The following SOX5 variants were observed in gnomAD, a reference collection of about 807,000 sequenced individuals.
SOX5 encodes transcription factor SOX-5.
SOX5 carries 9 observed loss-of-function variants against 92.0 expected under a neutral mutation model. The observed-to-expected ratio is 0.10, with a 90% CI of 0.06 to 0.17. SOX5 has a LOEUF of 0.17. Among genes scored for constraint, SOX5 ranks in the 10% least tolerant of loss-of-function variants. The pLI is 1.00. For synonymous variants in SOX5, 344 were observed against 336.3 expected, an observed-to-expected ratio of 1.02 and a Z score of -0.25; for missense variants, 642 against 944.5, an observed-to-expected ratio of 0.68 and a Z score of 4.20.
At chr12:24,174,304 C>A (rs1954556603) in intron 4 of SOX5, among the ~76,000 whole-genome samples, 3 of 152,140 alleles carry the variant, frequency 2.0e-5, no homozygotes, top group Non-Finnish European at 4.4e-5. Flanking sequence ...CGGCAGAAAT[C>A]TGAGTTTTGA....
At chr12:24,466,618 C>T (rs939392043) in intron 1 of SOX5, among the ~76,000 whole-genome samples, 2 of 152,250 alleles carry the variant, frequency 1.3e-5, no homozygotes, top group South Asian at 2.1e-4. Context: ...CCCAATATGG[C>T]CAGATGTTTC....
rs536288762 is a variant in SOX5, at chr12:23,902,278, C to A, written c.39-6254G>T. On this transcript the variant is annotated intron_variant, in intron 1 of 14. Coordinates refer to ENST00000451604, the MANE Select transcript of SOX5 (RefSeq NM_006940.6). The stretch of plus-strand genomic sequence containing the variant: ...AAAGACTCAGAATAGGGATTGCTTT[C>A]CTTATATAGTACATTCTTTTTTAAG... 2.2e-4 allele frequency among the ~76,000 whole-genome samples: 33 copies of A among 152,170 alleles called. No individual in the cohort carries two copies. In the South Asian group the frequency reaches 6.4e-3, roughly 30 times the overall value.
intron 9 of SOX5, among the ~76,000 whole-genome samples, chr12:23,603,634 G>T (rs1292795513): frequency 6.6e-6 from 1 of 151,456 alleles, no homozygotes; most frequent in East Asian, 1.9e-4. Flanking sequence ...ATTTAAGCAA[G>T]ATCTTAATAC....
chr12:24,200,213 C>T (rs183069713), intron 4 of SOX5, among the ~76,000 whole-genome samples: 1 of 152,180 alleles, frequency 6.6e-6, no homozygotes, highest in African/African-American at 2.4e-5. Flanking sequence ...CTGGCTCTGT[C>T]ACTTATTAAC....
chr12:24,367,960 G>T (rs534188727), intron 2 of SOX5: 1 of 152,014 alleles, frequency 6.6e-6, no homozygotes, highest in Non-Finnish European at 1.5e-5. Flanking sequence ...AGTTCTTCAG[G>T]ACTACTCAAG....
chr12:24,546,458 G>A (rs549142876), intron 1 of SOX5, among the ~76,000 whole-genome samples: 10 of 152,106 alleles, frequency 6.6e-5, no homozygotes, highest in Non-Finnish European at 1.2e-4. Context: ...CCACCACACA[G>A]CCTCATCTCG....
intron 2 of SOX5, among the ~76,000 whole-genome samples, chr12:24,304,333 T>C (rs575370633): frequency 6.6e-6 from 1 of 152,194 alleles, no homozygotes; most frequent in East Asian, 1.9e-4. Flanking sequence ...GAAGTAGAAA[T>C]GGAAGATTGG....
chr12:23,683,077 T>C (rs77747819), intron 6 of SOX5, among the ~76,000 whole-genome samples: 1,645 of 152,016 alleles, frequency 0.011, 68 homozygotes, highest in East Asian at 0.11. Context: ...TTTACAATTA[T>C]TGTGATAGCA....
chr12:23,789,371 G>A (rs565086136), intron 3 of SOX5, among the ~76,000 whole-genome samples: 1 of 152,084 alleles, frequency 6.6e-6, no homozygotes, highest in South Asian at 2.1e-4. Flanking sequence ...CCCATTCTTA[G>A]CAGTATTAAC....
intron 1 of SOX5, among the ~76,000 whole-genome samples, chr12:23,903,440 C>T (rs548961065): frequency 3.9e-5 from 6 of 152,134 alleles, no homozygotes; most frequent in East Asian, 1.9e-4. Context: ...CAAAATTAGC[C>T]GGGTATGATG....
chr12:24,368,225 T>C (rs926733985), intron 2 of SOX5: 1 of 152,200 alleles, frequency 6.6e-6, no homozygotes, highest in Non-Finnish European at 1.5e-5. Flanking sequence ...GTTGCTAATG[T>C]GTGATGTGCT....
intron 1 of SOX5, among the ~76,000 whole-genome samples, chr12:24,550,798 A>T (rs1953077723): frequency 6.6e-6 from 1 of 152,204 alleles, no homozygotes; most frequent in Admixed American, 6.5e-5. Context: ...AATGCCTTGT[A>T]TTGCTAATTC....
intron 1 of SOX5, among the ~76,000 whole-genome samples, chr12:23,898,188 G>A (rs895595900): frequency 3.9e-5 from 6 of 152,204 alleles, no homozygotes; most frequent in African/African-American, 1.4e-4. Context: ...TCTTTGTGAA[G>A]TGATTTATTA....
chr12:23,961,829 T>G (rs1946976254), intron 4 of SOX5, among the ~76,000 whole-genome samples: 1 of 152,184 alleles, frequency 6.6e-6, no homozygotes, highest in Admixed American at 6.5e-5. Context: ...TCCTAGGCCA[T>G]TCCATAATCT....
At chr12:24,260,666 A>G (rs575107825) in intron 3 of SOX5, among the ~76,000 whole-genome samples, 1 of 152,300 alleles carries the variant, frequency 6.6e-6, no homozygotes, top group African/African-American at 2.4e-5. Flanking sequence ...ATCTATCATA[A>G]TGTTGTGAAG....
chr12:24,364,433 A>C (rs1668883414), intron 2 of SOX5, among the ~76,000 whole-genome samples: 1 of 149,636 alleles, frequency 6.7e-6, no homozygotes, highest in South Asian at 2.1e-4. Flanking sequence ...GAATGACATA[A>C]TCTTCTTGCC....
At chr12:23,748,441 A>C (rs1393838710) in intron 4 of SOX5, among the ~76,000 whole-genome samples, 1 of 152,048 alleles carries the variant, frequency 6.6e-6, no homozygotes, top group Non-Finnish European at 1.5e-5. Context: ...AAAATACATG[A>C]AAATTGCTAT....
rs1946531156 is a variant in SOX5, at chr12:23,563,297, A to C, written c.1449T>G (p.Val483=). The change falls in exon 11 of 15, where the codon GTT becomes GTG. Residue 483 remains valine (V), a synonymous_variant. Transcript: ENST00000451604. ...AGTTATTGAGACCCAGACTATTCACAACAGCCACCTTCCCATCAAGCACCT... is the reference window on the plus strand; with the variant it reads ...AGTTATTGAGACCCAGACTATTCACCACAGCCACCTTCCCATCAAGCACCT... ...EQQVLDGKVA[V]VNSLGLNNCR... 3 of 1,614,070 alleles carry C rather than the reference A, an allele frequency of 1.9e-6. No homozygotes were observed. The East Asian group carries it at 6.7e-5, about 36-fold the overall frequency.
intron 9 of SOX5, among the ~76,000 whole-genome samples, chr12:23,582,704 A>G (rs1950214903): frequency 6.6e-6 from 1 of 152,096 alleles, no homozygotes; most frequent in Admixed American, 6.6e-5. Context: ...TGTAAGTCTT[A>G]TTTAGCTGAG....
Sources: gnomAD v4.1 joint callset for allele counts (sites outside exome capture counted in the v4.1 genomes callset) on GRCh38, gnomAD v4.1.1 for gene constraint, MANE v1.5 for transcripts, NCBI Gene and HGNC (gene_info 2026-07-23, HGNC 2026-07-21) for gene names.